The following CDH13 variants were observed in gnomAD, a reference collection of about 807,000 sequenced individuals.
CDH13 encodes the protein cadherin-13.
Under a neutral mutation model 63.8 loss-of-function variants are expected in CDH13, and 24 were observed. The ratio of observed to expected loss-of-function variants is 0.38; its 90% confidence interval spans 0.27 to 0.53. The LOEUF (loss-of-function observed/expected upper bound fraction) is 0.53. CDH13 is among the 20% of genes least tolerant of loss of function. The pLI is 0.85. For synonymous variants in CDH13, 503 were observed against 355.3 expected (o/e 1.42, Z -4.67); for missense variants, 1,049 against 903.1 (o/e 1.16, Z -2.07).
intron 8 of CDH13, 70 bp downstream of exon 8, chr16:83,602,664 C>G: frequency 1.4e-6 from 2 of 1,475,870 alleles, no homozygotes; most frequent in African/African-American, 1.4e-5. Context: ...TGTTAATTCA[C>G]GTACCACAGC....
At chr16:83,127,875 G>T (rs1423945651) in intron 4 of CDH13, among the ~76,000 whole-genome samples, 2 of 152,132 alleles carry the variant, frequency 1.3e-5, no homozygotes, top group African/African-American at 4.8e-5. Context: ...AAGAGTCTGG[G>T]ACATGATACA....
chr16:83,139,930 A>T (rs2036458007), intron 4 of CDH13, among the ~76,000 whole-genome samples: 1 of 152,134 alleles, frequency 6.6e-6, no homozygotes. Flanking sequence ...TGAACCCAGG[A>T]GGCAGAAGTT....
intron 3 of CDH13, among the ~76,000 whole-genome samples, chr16:83,124,399 A>G (rs1177766747): frequency 1.3e-5 from 2 of 152,150 alleles, no homozygotes; most frequent in Non-Finnish European, 2.9e-5. Context: ...TAAATTCTGG[A>G]TAATAGTCCT....
intron 3 of CDH13, among the ~76,000 whole-genome samples, chr16:83,038,944 A>C (rs1917100859): frequency 6.6e-6 from 1 of 152,320 alleles, no homozygotes; most frequent in Middle Eastern, 3.4e-3. Context: ...AGTGACATCA[A>C]GGGGCTTAGA....
intron 5 of CDH13, among the ~76,000 whole-genome samples, chr16:83,255,179 C>G (rs905163162): frequency 6.6e-6 from 1 of 152,080 alleles, no homozygotes; most frequent in African/African-American, 2.4e-5. Context: ...GCTGAGAATT[C>G]AGTCCTTGAA....
chr16:83,268,578 A>G (rs544045606), intron 5 of CDH13, among the ~76,000 whole-genome samples: 1 of 152,318 alleles, frequency 6.6e-6, no homozygotes, highest in South Asian at 2.1e-4. Flanking sequence ...TTGTAGACAA[A>G]GTCTACGTTT....
chr16:82,995,844 C>T (rs566633087), intron 2 of CDH13, among the ~76,000 whole-genome samples: 4 of 152,246 alleles, frequency 2.6e-5, no homozygotes, highest in South Asian at 4.1e-4. Context: ...TGATTCAACC[C>T]TCTCGCGGGC....
At chr16:82,777,735 G>T (rs1325068234) in intron 1 of CDH13, among the ~76,000 whole-genome samples, 1 of 152,194 alleles carries the variant, frequency 6.6e-6, no homozygotes, top group African/African-American at 2.4e-5. Flanking sequence ...GTCATCCTAA[G>T]ACTTGACTGG....
chr16:83,092,765 G>A (rs8045987), intron 3 of CDH13, among the ~76,000 whole-genome samples: 10,324 of 152,176 alleles, frequency 0.068, 548 homozygotes, highest in African/African-American at 0.15. Context: ...GTAGGAAGCC[G>A]ATCTTATCTA....
chr16:83,748,349 G>T, intron 11 of CDH13, 99 bp downstream of exon 11: 1 of 1,131,946 alleles, frequency 8.8e-7, no homozygotes, highest in Non-Finnish European at 1.3e-6. Context: ...GTGTTCTTGG[G>T]AAGAATGTAA....
intron 2 of CDH13, among the ~76,000 whole-genome samples, chr16:82,929,694 G>A (rs114494538): frequency 0.019 from 2,243 of 118,154 alleles, 64 homozygotes; most frequent in African/African-American, 0.062. Context: ...GAAGACAGCC[G>A]TTGATGAACC....
chr16:82,751,387 G>T (rs758664182), intron 1 of CDH13, among the ~76,000 whole-genome samples: 2 of 152,098 alleles, frequency 1.3e-5, no homozygotes, highest in Non-Finnish European at 1.5e-5. Context: ...TCACTTCACA[G>T]ACAGCCCCAC....
intron 4 of CDH13, among the ~76,000 whole-genome samples, chr16:83,177,703 A>G (rs976029691): frequency 1.6e-4 from 25 of 152,212 alleles, no homozygotes; most frequent in Non-Finnish European, 8.8e-5. Flanking sequence ...CTGTTACTCA[A>G]AATCTCTTTT....
chr16:82,851,231 C>T (rs908411032), intron 1 of CDH13, among the ~76,000 whole-genome samples: 3 of 151,876 alleles, frequency 2.0e-5, no homozygotes, highest in East Asian at 1.9e-4. Context: ...GTCAGGAGTT[C>T]GAGACCAGCC....
intron 1 of CDH13, among the ~76,000 whole-genome samples, chr16:82,632,651 C>A (rs1227327026): frequency 6.6e-6 from 1 of 152,206 alleles, no homozygotes; most frequent in Non-Finnish European, 1.5e-5. Context: ...CAGTCCTCAA[C>A]CATTTTGGTA....
chr16:83,159,405 A>G (rs1245868786), intron 4 of CDH13, among the ~76,000 whole-genome samples: 1 of 152,186 alleles, frequency 6.6e-6, no homozygotes, highest in Non-Finnish European at 1.5e-5. Flanking sequence ...TATTGCAAAA[A>G]TATTTTCTAA....
chr16:83,277,095 C>T (rs570562271), intron 5 of CDH13, among the ~76,000 whole-genome samples: 1 of 152,196 alleles, frequency 6.6e-6, no homozygotes, highest in Non-Finnish European at 1.5e-5. Flanking sequence ...ACAGCCAAAT[C>T]ATATCACAGA....
intron 6 of CDH13, among the ~76,000 whole-genome samples, chr16:83,427,520 A>C (rs2071949271): frequency 6.6e-6 from 1 of 152,136 alleles, no homozygotes. Context: ...CATGAGACTG[A>C]TCTCCAACTT....
chr16:82,681,957 C>T (rs1302202845), intron 1 of CDH13, among the ~76,000 whole-genome samples: 1 of 152,222 alleles, frequency 6.6e-6, no homozygotes, highest in African/African-American at 2.4e-5. Flanking sequence ...GACTGTGCTG[C>T]CACCTCTCCT....
Sources: allele counts gnomAD v4.1 joint callset (sites outside exome capture counted in the v4.1 genomes callset), GRCh38; gene constraint gnomAD v4.1.1; transcripts MANE v1.5; gene names NCBI Gene and HGNC (gene_info 2026-07-23, HGNC 2026-07-21).